The following MITF variants were observed in gnomAD, a reference collection of about 807,000 sequenced individuals.
MITF encodes the protein microphthalmia-associated transcription factor.
In MITF, 17 loss-of-function variants were observed where a neutral mutation model predicts 60.5. That is an observed-to-expected ratio of 0.28 (90% confidence interval 0.19 to 0.42). The LOEUF (loss-of-function observed/expected upper bound fraction) is 0.42, where lower values mean the gene tolerates loss of function less well. MITF is among the 10% of genes least tolerant of loss of function. MITF has a pLI of 1.00. For synonymous variants in MITF, 260 were observed against 248.5 expected, an observed-to-expected ratio of 1.05 and a Z score of -0.43; for missense variants, 622 against 683.5, an observed-to-expected ratio of 0.91 and a Z score of 1.00.
chr3:69,838,655 G>A (rs1448695279), intron 1 of MITF: 4 of 152,474 alleles, frequency 2.6e-5, no homozygotes, highest in Non-Finnish European at 4.4e-5. Flanking sequence ...TTGCTTTTCT[G>A]GTTTTAAAAT....
At chr3:69,839,603 G>A (rs867799991) in intron 1 of MITF, among the ~76,000 whole-genome samples, 5 of 151,868 alleles carry the variant, frequency 3.3e-5, no homozygotes, top group Admixed American at 1.3e-4. Flanking sequence ...TACCCACTTC[G>A]TTTCAGCTCA....
chr3:69,810,282 C>G (rs548925629), intron 1 of MITF, among the ~76,000 whole-genome samples: 1 of 152,258 alleles, frequency 6.6e-6, no homozygotes, highest in African/African-American at 2.4e-5. Context: ...ATTGCCAATT[C>G]ATGTCTTTAC....
intron 1 of MITF, among the ~76,000 whole-genome samples, chr3:69,755,727 A>T (rs1704121260): frequency 1.3e-5 from 2 of 152,100 alleles, no homozygotes; most frequent in African/African-American, 4.8e-5. Flanking sequence ...TACCTTCATC[A>T]GTTACAGTTT....
At chr3:69,917,924 C>T (rs2065373502) in intron 2 of MITF, among the ~76,000 whole-genome samples, 1 of 152,090 alleles carries the variant, frequency 6.6e-6, no homozygotes, top group Admixed American at 6.5e-5. Context: ...ATTAAAATTC[C>T]ACTTTGATCA....
At chr3:69,777,743 G>A (rs2062497423) in intron 1 of MITF, among the ~76,000 whole-genome samples, 1 of 152,172 alleles carries the variant, frequency 6.6e-6, no homozygotes, top group African/African-American at 2.4e-5. Flanking sequence ...ACTTCCGCTA[G>A]GCATGTGCAT....
chr3:69,747,206 T>A (rs1703760590), intron 1 of MITF, among the ~76,000 whole-genome samples: 1 of 152,132 alleles, frequency 6.6e-6, no homozygotes, highest in African/African-American at 2.4e-5. Flanking sequence ...ATCTTGGAGG[T>A]GGCGCACAGT....
intron 1 of MITF, chr3:69,866,307 T>G (rs1245506680): frequency 6.2e-7 from 1 of 1,613,732 alleles, no homozygotes; most frequent in Non-Finnish European, 8.5e-7. Context: ...GCGCTTAGAG[T>G]TCAGATGTTC....
intron 1 of MITF, among the ~76,000 whole-genome samples, chr3:69,758,118 C>T (rs1575671664): frequency 1.6e-5 from 2 of 122,070 alleles, no homozygotes; most frequent in African/African-American, 7.7e-5. Flanking sequence ...ATATCATATG[C>T]ACACACACAC....
At chr3:69,877,493 T>A (rs1383764870) in intron 1 of MITF, among the ~76,000 whole-genome samples, 1 of 152,178 alleles carries the variant, frequency 6.6e-6, no homozygotes, top group Non-Finnish European at 1.5e-5. Context: ...AAATACTATT[T>A]TGTATCTGGC....
At chr3:69,776,027 TA>T (rs1456099793) in intron 1 of MITF, among the ~76,000 whole-genome samples, 2 of 152,226 alleles carry the variant, frequency 1.3e-5, no homozygotes, top group African/African-American at 4.8e-5. Flanking sequence ...AGTCACACCC[TA>T]AATTATATGA....
At chr3:69,744,981 G>GC (rs1575655771) in intron 1 of MITF, among the ~76,000 whole-genome samples, 1 of 152,110 alleles carries the variant, frequency 6.6e-6, no homozygotes, top group Non-Finnish European at 1.5e-5. Flanking sequence ...CTATGTGTGA[G>GC]CCCCATTCTA....
At position 69,968,200 on chromosome 3, in the gene MITF, T is replaced by C. The variant is rs2066737952; in HGVS notation, c.*2952T>C. 1 of 232,832 alleles carries C rather than the reference T, an allele frequency of 4.3e-6. No homozygotes were observed. Among genetic ancestry groups the C allele is most frequent in the Non-Finnish European group, 8.5e-6 (1 of 117,604 alleles). The allele number at this position is 232,832 out of a possible 1,614,324, so 14.4% of individuals were successfully genotyped here. A position where few individuals can be genotyped will look rare whatever the true frequency, so the allele number is the denominator to read the frequency against. Reference sequence around the variant, plus strand: ...ATGCTTGGTACTGTAATGTTAATAATAGTCACCTGCTGTTGGATGCAGCAA... The same window carrying C: ...ATGCTTGGTACTGTAATGTTAATAACAGTCACCTGCTGTTGGATGCAGCAA... On this transcript the variant is annotated 3_prime_UTR_variant, in exon 10 of 10. Coordinates refer to ENST00000352241, the MANE Select transcript of MITF (RefSeq NM_001354604.2).
At chr3:69,932,267 C>A (rs917760416) in intron 2 of MITF, among the ~76,000 whole-genome samples, 1 of 152,144 alleles carries the variant, frequency 6.6e-6, no homozygotes, top group African/African-American at 2.4e-5. Context: ...GCAAGGGAGC[C>A]GCCCTGGACA....
In MITF at chr3:69,838,352, T is replaced by TAA. The variant is rs35112703; in HGVS notation, c.105-40769_105-40768dup. Among the ~76,000 whole-genome samples the TAA allele has an allele frequency of 2.5e-3, 362 of 142,350 alleles. 1 individual carries two copies. Among genetic ancestry groups the TAA allele is most frequent in the South Asian group, 0.016 (72 of 4,436 alleles). 93.4% of individuals were successfully genotyped at this position (142,350 alleles called of 152,430 possible). A position where few individuals can be genotyped will look rare whatever the true frequency, so the allele number is the denominator to read the frequency against. On this transcript the variant is annotated intron_variant, in intron 1 of 9. Transcript: ENST00000352241. ...ACGTCAGCAAAAGCACTAATTTTGC[T>TAA]AAAAAAAAAAAAAATAGAGGCACAC...
chr3:69,925,226 TA>T, intron 2 of MITF, among the ~76,000 whole-genome samples: 1 of 152,280 alleles, frequency 6.6e-6, no homozygotes, highest in South Asian at 2.1e-4. Context: ...GCCCATTTTG[TA>T]AACAGAAAAC....
intron 1 of MITF, among the ~76,000 whole-genome samples, chr3:69,862,015 C>T (rs1378524842): frequency 1.3e-5 from 2 of 151,572 alleles, no homozygotes; most frequent in East Asian, 3.9e-4. Context: ...TTTCCTGCCA[C>T]TCTTAACAGA....
At chr3:69,740,210 C>G (rs1263762985) in intron 1 of MITF, among the ~76,000 whole-genome samples, 1 of 152,118 alleles carries the variant, frequency 6.6e-6, no homozygotes, top group African/African-American at 2.4e-5. Flanking sequence ...AGTCCGGTCT[C>G]TGTGGGGAAA....
At chr3:69,960,943 G>T (rs534998310) in intron 9 of MITF, among the ~76,000 whole-genome samples, 12 of 152,260 alleles carry the variant, frequency 7.9e-5, no homozygotes, top group African/African-American at 2.9e-4. Context: ...TTAGATTCTG[G>T]GTAGTGAAGT....
intron 1 of MITF, among the ~76,000 whole-genome samples, chr3:69,767,642 T>A (rs1053702680): frequency 1.3e-5 from 2 of 151,758 alleles, no homozygotes; most frequent in African/African-American, 4.8e-5. Flanking sequence ...GTCAAACAGA[T>A]GAGAGGAAAG....
Sources: gnomAD v4.1 joint callset for allele counts (sites outside exome capture counted in the v4.1 genomes callset) on GRCh38, gnomAD v4.1.1 for gene constraint, MANE v1.5 for transcripts, NCBI Gene and HGNC (gene_info 2026-07-23, HGNC 2026-07-21) for gene names.